Variants in FBXW8 observed in about 807,000 individuals in gnomAD.
The protein encoded by FBXW8 is F-box and WD repeat domain containing 8.
A neutral mutation model predicts 65.3 loss-of-function variants in FBXW8; 57 were observed. The ratio of observed to expected loss-of-function variants is 0.87; its 90% confidence interval spans 0.71 to 1.09. The LOEUF (loss-of-function observed/expected upper bound fraction) is 1.09. Among genes scored for constraint, FBXW8 ranks in the 50% least tolerant of loss-of-function variants. The pLI, the probability that FBXW8 is intolerant of heterozygous loss-of-function variation, is 0.00. For synonymous variants in FBXW8, 308 were observed against 330.2 expected, an observed-to-expected ratio of 0.93 and a Z score of 0.73; for missense variants, 777 against 814.8, an observed-to-expected ratio of 0.95 and a Z score of 0.57.
chr12:116,921,908 G>A (rs1009160049), intron 1 of FBXW8, among the ~76,000 whole-genome samples: 1 of 142,452 alleles, frequency 7.0e-6, no homozygotes, highest in East Asian at 2.1e-4. Flanking sequence ...TGGCTCTGTA[G>A]CCTTGACCTC....
chr12:117,003,238 G>C (rs575154679), intron 7 of FBXW8: 1 of 152,160 alleles, frequency 6.6e-6, no homozygotes, highest in African/African-American at 2.4e-5. Flanking sequence ...GTAGATACAC[G>C]CAGACATGTA....
rs1459051021 is a variant in FBXW8 at position 116,936,261 on chromosome 12, AG to A, written c.423+8135del. On this transcript the variant is annotated intron_variant, in intron 2 of 10. Transcript: ENST00000652555. The surrounding 1 kb of genome is among the most constrained non-coding windows in gnomAD (Gnocchi z 4.6). Reference sequence around the variant, plus strand: ...AAGGACTTGAGGCAGACACAGCTGAAGCTCATCTGAGGCAGGGTGCGCCTGT... The same window carrying A: ...AAGGACTTGAGGCAGACACAGCTGAACTCATCTGAGGCAGGGTGCGCCTGT... Among the ~76,000 whole-genome samples, 6 of 152,206 alleles carry A rather than the reference AG, an allele frequency of 3.9e-5. No homozygotes were observed. The highest frequency in any genetic ancestry group is 8.8e-5 in the Non-Finnish European group (6 of 68,040).
chr12:116,957,190 T>C lies in FBXW8; in HGVS notation c.677+7484T>C, dbSNP rs539423637. ...GGCAAAACCCCTTCTCTACCAAAAATACAAAAATTAGCCAGGCATGGTGGT... is the reference window on the plus strand; with the variant it reads ...GGCAAAACCCCTTCTCTACCAAAAACACAAAAATTAGCCAGGCATGGTGGT... On this transcript the variant is annotated intron_variant, in intron 4 of 10. Transcript: ENST00000652555. 8.6e-5 allele frequency among the ~76,000 whole-genome samples: 13 copies of C among 151,834 alleles called. 1 individual carries two copies. The South Asian group carries it at 2.7e-3, about 32-fold the overall frequency.
In FBXW8 at chr12:116,961,131, G is replaced by T. The variant is rs771993862; in HGVS notation, c.678-3566G>T. 2.0e-5 allele frequency among the ~76,000 whole-genome samples: 3 copies of T among 152,134 alleles called. No homozygotes were observed. Among genetic ancestry groups the T allele is most frequent in the African/African-American group, 2.4e-5 (1 of 41,430 alleles). ...CTGCCTCAGCCTCCCAAGTAGGTGGGATTACAGGCACGCACCACCACACCT... is the reference window on the plus strand; with the variant it reads ...CTGCCTCAGCCTCCCAAGTAGGTGGTATTACAGGCACGCACCACCACACCT... On this transcript the variant is annotated intron_variant, in intron 4 of 10. Coordinates refer to ENST00000652555, the MANE Select transcript of FBXW8 (RefSeq NM_153348.3). This position sits in a 1 kb window ranked among gnomAD's most constrained non-coding sequence, Gnocchi z 4.4.
At chr12:116,914,195 C>T (rs1880217982) in intron 1 of FBXW8, among the ~76,000 whole-genome samples, 1 of 151,524 alleles carries the variant, frequency 6.6e-6, no homozygotes. Context: ...ATCGCTTGAA[C>T]CCAGGAGGCT....
At chr12:116,980,700 T>C (rs187340858) in intron 5 of FBXW8, among the ~76,000 whole-genome samples, 195 of 152,362 alleles carry the variant, frequency 1.3e-3, no homozygotes, top group Middle Eastern at 6.8e-3. Context: ...TTAGTAGTTA[T>C]GCAATAAATG....
chr12:116,971,425 G>A (rs1033959490), intron 5 of FBXW8, among the ~76,000 whole-genome samples: 13 of 151,846 alleles, frequency 8.6e-5, no homozygotes, highest in South Asian at 2.1e-4. Flanking sequence ...TTTTTAGGGC[G>A]TTGAACTTTA....
At chr12:117,010,700 A>C (rs1271082733) in intron 8 of FBXW8, among the ~76,000 whole-genome samples, 1 of 152,234 alleles carries the variant, frequency 6.6e-6, no homozygotes, top group Non-Finnish European at 1.5e-5. Context: ...TGGTGGCCGC[A>C]GTTGGTAGAA....
chr12:116,945,881 C>A (rs1382366229), intron 3 of FBXW8, among the ~76,000 whole-genome samples: 1 of 152,208 alleles, frequency 6.6e-6, no homozygotes, highest in Non-Finnish European at 1.5e-5. Flanking sequence ...AAAGCACTAC[C>A]TGCATACAAA....
chr12:116,990,613 CT>C (rs61285815), intron 7 of FBXW8, among the ~76,000 whole-genome samples: 4,376 of 152,142 alleles, frequency 0.029, 183 homozygotes, highest in East Asian at 0.19. Flanking sequence ...ATTTTTCATA[CT>C]TTTTATAAAT....
chr12:117,021,421 T>C (rs932499493), intron 8 of FBXW8, among the ~76,000 whole-genome samples: 48 of 152,182 alleles, frequency 3.2e-4, no homozygotes, highest in African/African-American at 1.2e-3. Flanking sequence ...TTCCCCCCAA[T>C]AGGAAAAAGT....
intron 2 of FBXW8, among the ~76,000 whole-genome samples, chr12:116,940,367 G>C (rs1244161111): frequency 6.6e-6 from 1 of 151,100 alleles, no homozygotes; most frequent in Non-Finnish European, 1.5e-5. Context: ...GGGATTCAGA[G>C]ATTATCTGGG....
rs114608549 is a variant in FBXW8 at position 117,030,630 on chromosome 12, G to A, written c.*2458G>A. On this transcript the variant is annotated 3_prime_UTR_variant, in exon 11 of 11. Coordinates refer to ENST00000652555, the MANE Select transcript of FBXW8 (RefSeq NM_153348.3). ...TGTAAAGTCATTAGACCCAGAATTA[G>A]AGCAGCCAGCAGCTGGCCCAGTGTA... is the stretch of plus-strand genomic sequence containing the variant. The A allele has an allele frequency of 1.3e-5, 2 of 152,168 alleles. No homozygotes were observed. Among genetic ancestry groups the A allele is most frequent in the South Asian group, 2.1e-4 (1 of 4,828 alleles). 9.4% of individuals were successfully genotyped at this position (152,168 alleles called of 1,614,324 possible). A position where few individuals can be genotyped will look rare whatever the true frequency, so the allele number is the denominator to read the frequency against.
rs59458255 is a variant in FBXW8, at chr12:117,004,774, G to A, written c.1240-5549G>A. 0.034 allele frequency among the ~76,000 whole-genome samples: 1,865 copies of A among 54,548 alleles called. 119 individuals carry two copies. The East Asian group carries it at 0.4, about 12-fold the overall frequency. 35.8% of individuals were successfully genotyped at this position (54,548 alleles called of 152,430 possible). A position where few individuals can be genotyped will look rare whatever the true frequency, so the allele number is the denominator to read the frequency against. ...ATGCTGGGCAGATGCTTGGTCTCCT[G>A]TTTCCCCAGCTCTCCTGTTTCCCCA... On this transcript the variant is annotated intron_variant, in intron 7 of 10. Transcript: ENST00000652555.
chr12:116,926,398 G>A (rs1881328136), intron 1 of FBXW8, among the ~76,000 whole-genome samples: 1 of 152,196 alleles, frequency 6.6e-6, no homozygotes, highest in Non-Finnish European at 1.5e-5. Flanking sequence ...GCAGGAGGAA[G>A]ACCACGATTG....
intron 1 of FBXW8, among the ~76,000 whole-genome samples, chr12:116,919,206 G>T (rs1316153758): frequency 6.6e-6 from 1 of 152,156 alleles, no homozygotes; most frequent in African/African-American, 2.4e-5. Flanking sequence ...CAGTGCTGGG[G>T]AATCAGCAGT....
At chr12:116,944,871 T>C (rs1272650753) in intron 2 of FBXW8, among the ~76,000 whole-genome samples, 1 of 152,218 alleles carries the variant, frequency 6.6e-6, no homozygotes, top group African/African-American at 2.4e-5. Flanking sequence ...ATCTAAATTC[T>C]CACATGCAAT....
rs373191975 is a variant in FBXW8, at chr12:116,975,520, G to C, written c.836-9686G>C. Among the ~76,000 whole-genome samples, 162 of 152,252 alleles carry C rather than the reference G, an allele frequency of 1.1e-3. 6 individuals carry two copies. In the South Asian group the frequency reaches 0.031, roughly 29 times the overall value. On this transcript the variant is annotated intron_variant, in intron 5 of 10. Coordinates refer to ENST00000652555, the MANE Select transcript of FBXW8 (RefSeq NM_153348.3). ...GATTTTAACACTGAAATGGTGGTAG[G>C]GGGGACACAACATTCAGATGAGCAA... is the stretch of plus-strand genomic sequence containing the variant.
intron 5 of FBXW8, among the ~76,000 whole-genome samples, chr12:116,967,678 T>C (rs1884408645): frequency 6.6e-6 from 1 of 152,254 alleles, no homozygotes; most frequent in Admixed American, 6.5e-5. Context: ...CATTTTTCTT[T>C]TGGGTTGTCA....
Sources: allele counts gnomAD v4.1 joint callset (sites outside exome capture counted in the v4.1 genomes callset), GRCh38; gene constraint gnomAD v4.1.1; non-coding constraint Gnocchi (gnomAD v3.1); transcripts MANE v1.5; gene names NCBI Gene and HGNC (gene_info 2026-07-23, HGNC 2026-07-21).